The following SDK1 variants were observed in gnomAD, a reference collection of about 807,000 sequenced individuals.
SDK1 encodes sidekick cell adhesion molecule 1, also known as protein sidekick-1.
Under a neutral mutation model 245.5 loss-of-function variants are expected in SDK1, and 157 were observed. The ratio of observed to expected loss-of-function variants is 0.64; its 90% CI spans 0.56 to 0.73. The LOEUF (loss-of-function observed/expected upper bound fraction) is 0.73. Among genes scored for constraint, SDK1 ranks in the 30% least tolerant of loss-of-function variants. The pLI is 0.00. For synonymous variants in SDK1, 1,647 were observed against 1,278.5 expected (o/e 1.29, Z -6.15); for missense variants, 3,583 against 3,002.3 (o/e 1.19, Z -4.52).
At chr7:3,360,836 G>T (rs552510457) in intron 1 of SDK1, among the ~76,000 whole-genome samples, 1 of 151,926 alleles carries the variant, frequency 6.6e-6, no homozygotes, top group East Asian at 1.9e-4. Flanking sequence ...GGGAGATAGT[G>T]GGGGGAGTTA....
At chr7:3,351,038 A>G (rs1780646971) in intron 1 of SDK1, among the ~76,000 whole-genome samples, 1 of 152,302 alleles carries the variant, frequency 6.6e-6, no homozygotes, top group South Asian at 2.1e-4. Flanking sequence ...TTGTGATAAT[A>G]TATCTTAGTT....
intron 35 of SDK1, among the ~76,000 whole-genome samples, chr7:4,205,062 G>A (rs1402408991): frequency 8.7e-6 from 1 of 115,390 alleles, no homozygotes; most frequent in Non-Finnish European, 1.8e-5. Flanking sequence ...CGTGTGCCAT[G>A]CAGCCCTGCA....
At chr7:4,088,525 T>G (rs2128182594) in intron 22 of SDK1, among the ~76,000 whole-genome samples, 1 of 152,024 alleles carries the variant, frequency 6.6e-6, no homozygotes, top group East Asian at 1.9e-4. Context: ...TTAAGATGAT[T>G]CTTTTCTGAT....
chr7:3,955,138 C>G (rs1030808448), intron 7 of SDK1, among the ~76,000 whole-genome samples: 1 of 152,160 alleles, frequency 6.6e-6, no homozygotes, highest in Non-Finnish European at 1.5e-5. Flanking sequence ...CTCGGAAACT[C>G]GGACGGCGAG....
chr7:3,891,547 C>T (rs1179079591), intron 5 of SDK1, among the ~76,000 whole-genome samples: 3 of 152,172 alleles, frequency 2.0e-5, no homozygotes, highest in Non-Finnish European at 4.4e-5. Flanking sequence ...TTTTTAATCT[C>T]TTTGATTCCG....
chr7:3,500,044 A>G (rs1187813964), intron 1 of SDK1, among the ~76,000 whole-genome samples: 1 of 152,178 alleles, frequency 6.6e-6, no homozygotes, highest in East Asian at 1.9e-4. Flanking sequence ...AGTCCTGGTC[A>G]GGCTCACTGG....
At chr7:3,898,600 C>T (rs953040790) in intron 5 of SDK1, among the ~76,000 whole-genome samples, 2 of 152,040 alleles carry the variant, frequency 1.3e-5, no homozygotes, top group African/African-American at 4.8e-5. Context: ...TCCTGTTGTC[C>T]TTAAGGAAAT....
intron 35 of SDK1, among the ~76,000 whole-genome samples, chr7:4,202,528 G>A (rs1419146391): frequency 1.3e-5 from 2 of 152,188 alleles, no homozygotes; most frequent in African/African-American, 4.8e-5. Context: ...AGGGGAAAAT[G>A]TGCAGTCCTC....
intron 1 of SDK1, among the ~76,000 whole-genome samples, chr7:3,477,235 G>C (rs1158141257): frequency 8.7e-6 from 1 of 114,360 alleles, no homozygotes; most frequent in African/African-American, 3.5e-5. Flanking sequence ...TTGCTCTGTC[G>C]CTCAGGCTGG....
At chr7:4,087,372 A>C (rs1781490106) in intron 22 of SDK1, among the ~76,000 whole-genome samples, 1 of 152,086 alleles carries the variant, frequency 6.6e-6, no homozygotes, top group African/African-American at 2.4e-5. Flanking sequence ...CTGGTTATTC[A>C]TGCACTAATT....
chr7:3,472,284 G>T (rs938916312), intron 1 of SDK1, among the ~76,000 whole-genome samples: 4 of 152,124 alleles, frequency 2.6e-5, no homozygotes, highest in Admixed American at 6.5e-5. Context: ...TGGGGAGGGG[G>T]TATAGATAAC....
chr7:3,363,322 G>C (rs1417155280), intron 1 of SDK1, among the ~76,000 whole-genome samples: 2 of 151,888 alleles, frequency 1.3e-5, no homozygotes, highest in Non-Finnish European at 2.9e-5. Context: ...TTATTAAGTA[G>C]TGTTCCATGG....
At chr7:3,347,274 C>T (rs574180237) in intron 1 of SDK1, among the ~76,000 whole-genome samples, 4 of 150,084 alleles carry the variant, frequency 2.7e-5, no homozygotes, top group African/African-American at 9.7e-5. Context: ...ACACTTGGCA[C>T]ATATCTTCTT....
chr7:3,775,734 A>ATG, intron 4 of SDK1, among the ~76,000 whole-genome samples: 1 of 151,476 alleles, frequency 6.6e-6, no homozygotes, highest in Non-Finnish European at 1.5e-5. Flanking sequence ...CCGCCACCGC[A>ATG]CCCGGCTAAT....
At chr7:3,755,666 T>C (rs954417848) in intron 4 of SDK1, among the ~76,000 whole-genome samples, 2 of 152,114 alleles carry the variant, frequency 1.3e-5, no homozygotes, top group Admixed American at 1.3e-4. Context: ...TGTAACCAAC[T>C]CCTTCCCCCC....
intron 1 of SDK1, among the ~76,000 whole-genome samples, chr7:3,483,824 A>T (rs1034510332): frequency 6.6e-6 from 1 of 152,102 alleles, no homozygotes; most frequent in Admixed American, 6.5e-5. Flanking sequence ...TCATTGGAAC[A>T]TTTCTTTTTT....
At chr7:3,815,367 A>G (rs1198942741) in intron 4 of SDK1, among the ~76,000 whole-genome samples, 1 of 130,846 alleles carries the variant, frequency 7.6e-6, no homozygotes, top group Non-Finnish European at 1.6e-5. Context: ...ATCTATTGAG[A>G]TAATCATGTG....
chr7:3,516,408 T>A (rs914043125), intron 1 of SDK1, among the ~76,000 whole-genome samples: 5 of 152,114 alleles, frequency 3.3e-5, no homozygotes, highest in African/African-American at 1.2e-4. Flanking sequence ...AACAACTAAC[T>A]TTTATAATTT....
chr7:3,796,899 T>G (rs1264367030), intron 4 of SDK1, among the ~76,000 whole-genome samples: 1 of 152,192 alleles, frequency 6.6e-6, no homozygotes, highest in Non-Finnish European at 1.5e-5. Context: ...GAAAGTAAGT[T>G]CAAATGTAGC....
Sources: allele counts gnomAD v4.1 joint callset (sites outside exome capture counted in the v4.1 genomes callset), GRCh38; gene constraint gnomAD v4.1.1; transcripts MANE v1.5; gene names NCBI Gene and HGNC (gene_info 2026-07-23, HGNC 2026-07-21).